HMGB1: variants seen among roughly 807,000 people sequenced by gnomAD.
HMGB1 encodes high mobility group protein B1.
For synonymous variants in HMGB1, 81 were observed against 84.0 expected (o/e 0.96, Z 0.19); for missense variants, 79 against 253.5 (o/e 0.31, Z 4.67).
intron 1 of HMGB1, among the ~76,000 whole-genome samples, chr13:30,597,592 C>T (rs1489570261): frequency 1.3e-5 from 2 of 152,172 alleles, no homozygotes; most frequent in Non-Finnish European, 2.9e-5. Context: ...ATTTCTCATA[C>T]TCAACTGTTT....
chr13:30,569,710 T>C lies in HMGB1; in HGVS notation c.-15+46961A>G, dbSNP rs148651296. 2.0e-5 allele frequency among the ~76,000 whole-genome samples: 3 copies of C among 152,294 alleles called. No homozygotes were observed. In the East Asian group the frequency reaches 5.8e-4, roughly 29 times the overall value. On this transcript the variant is annotated intron_variant, in intron 1 of 4. Coordinates refer to the HMGB1 transcript ENST00000405805. ...TAATCACATCAACTTCTTTCCTATA[T>C]CACCTTTCCCAGAGTGCGCTCTCAT...
upstream of HMGB1, among the ~76,000 whole-genome samples, chr13:30,468,096 G>A (rs1028145722): frequency 3.3e-5 from 5 of 152,082 alleles, no homozygotes; most frequent in African/African-American, 1.2e-4. Flanking sequence ...GGGACCACAG[G>A]GTTGTAAAGA....
At chr13:30,548,969 T>G (rs959807705) in intron 1 of HMGB1, among the ~76,000 whole-genome samples, 3 of 152,178 alleles carry the variant, frequency 2.0e-5, no homozygotes, top group Non-Finnish European at 1.5e-5. Context: ...GCTTTCTTTC[T>G]TGATGTACTG....
rs574054765 is a variant in HMGB1, at chr13:30,510,904, CA to C, written c.-14-47211del. ...TCTCCAAATTCTATTCCTTATTCTT[CA>C]AAATGTATTGTGTATATCAGGAACA... is the stretch of plus-strand genomic sequence containing the variant. On this transcript the variant is annotated intron_variant, in intron 1 of 4. Transcript: ENST00000405805. Among the ~76,000 whole-genome samples the C allele has an allele frequency of 3.8e-4, 58 of 152,288 alleles. No individual in the cohort carries two copies. In the East Asian group the frequency reaches 0.01, roughly 27 times the overall value.
chr13:30,473,386 CA>C (rs1886993904), intron 1 of HMGB1, among the ~76,000 whole-genome samples: 1 of 152,084 alleles, frequency 6.6e-6, no homozygotes, highest in Non-Finnish European at 1.5e-5. Flanking sequence ...TCTGGTTAGT[CA>C]AAGAATGGTA....
At chr13:30,492,931 C>T (rs1248622494) in intron 1 of HMGB1, among the ~76,000 whole-genome samples, 1 of 137,490 alleles carries the variant, frequency 7.3e-6, no homozygotes, top group Non-Finnish European at 1.5e-5. Flanking sequence ...GGGGAGGTTG[C>T]AGTGAGCCGA....
At chr13:30,595,310 A>G (rs1871558742) in intron 1 of HMGB1, among the ~76,000 whole-genome samples, 1 of 152,208 alleles carries the variant, frequency 6.6e-6, no homozygotes, top group Non-Finnish European at 1.5e-5. Context: ...GCACCTTTCC[A>G]AACAGAAGCA....
At chr13:30,600,716 G>A (rs1410393883) in intron 1 of HMGB1, among the ~76,000 whole-genome samples, 1 of 151,908 alleles carries the variant, frequency 6.6e-6, no homozygotes, top group Non-Finnish European at 1.5e-5. Flanking sequence ...AAGTGATTAG[G>A]GATACTCAAC....
chr13:30,578,368 C>CTTTTTTTTTTTTTTTT (rs60947686), intron 1 of HMGB1, among the ~76,000 whole-genome samples: 4 of 59,322 alleles, frequency 6.7e-5, no homozygotes, highest in African/African-American at 6.6e-5. Flanking sequence ...AGTTCTTGTT[C>CTTTTTTTTTTTTTTTT]TTTTTTTTTT....
chr13:30,468,688 C>A (rs146984140), upstream of HMGB1, among the ~76,000 whole-genome samples: 706 of 152,226 alleles, frequency 4.6e-3, 4 homozygotes, highest in Middle Eastern at 0.02. Flanking sequence ...CACTTGCAGG[C>A]AATTCATTTC....
intron 1 of HMGB1, among the ~76,000 whole-genome samples, chr13:30,563,379 C>G (rs1005596884): frequency 5.9e-5 from 9 of 152,136 alleles, no homozygotes; most frequent in Non-Finnish European, 1.3e-4. Context: ...GAGGCTGAGG[C>G]AGGAGGATCA....
intron 2 of HMGB1, 23 bp downstream of exon 2, chr13:30,463,508 T>TA: frequency 6.3e-7 from 1 of 1,597,304 alleles, no homozygotes; most frequent in Non-Finnish European, 8.5e-7. Flanking sequence ...ATTACCTTGT[T>TA]AGCATGTTTT....
chr13:30,481,040 T>C (rs994736870), intron 1 of HMGB1, among the ~76,000 whole-genome samples: 2 of 150,112 alleles, frequency 1.3e-5, no homozygotes, highest in African/African-American at 5.1e-5. Context: ...TTTCCTCTTG[T>C]GTGTGTTTTT....
intron 1 of HMGB1, among the ~76,000 whole-genome samples, chr13:30,476,632 G>C (rs1254498566): frequency 1.3e-5 from 2 of 152,154 alleles, no homozygotes; most frequent in African/African-American, 4.8e-5. Context: ...GGGAGGCAGA[G>C]GTGGGTGGAT....
chr13:30,600,967 C>T (rs1028388998), intron 1 of HMGB1, among the ~76,000 whole-genome samples: 3 of 152,180 alleles, frequency 2.0e-5, no homozygotes, highest in Non-Finnish European at 4.4e-5. Flanking sequence ...TGTATACATC[C>T]AGATGGCCTG....
chr13:30,601,023 T>A (rs1179591649), intron 1 of HMGB1, among the ~76,000 whole-genome samples: 1 of 152,192 alleles, frequency 6.6e-6, no homozygotes, highest in African/African-American at 2.4e-5. Flanking sequence ...CCTTAACTAA[T>A]GACATTCTAC....
At chr13:30,584,655 CTT>C (rs1204071621) in intron 1 of HMGB1, among the ~76,000 whole-genome samples, 2 of 152,098 alleles carry the variant, frequency 1.3e-5, no homozygotes, top group Non-Finnish European at 2.9e-5. Flanking sequence ...AAAATGAACA[CTT>C]TGAAATGTAA....
intron 1 of HMGB1, among the ~76,000 whole-genome samples, chr13:30,555,033 GTTT>G (rs1007919529): frequency 1.4e-5 from 1 of 72,440 alleles, no homozygotes; most frequent in African/African-American, 5.7e-5. Context: ...GTGTCGTTGT[GTTT>G]TTTTTTTTTT....
intron 1 of HMGB1, among the ~76,000 whole-genome samples, chr13:30,610,073 A>C (rs547283901): frequency 6.6e-6 from 1 of 152,222 alleles, no homozygotes; most frequent in Non-Finnish European, 1.5e-5. Context: ...AAATATACTT[A>C]CTTTTCCTTA....
Sources: gnomAD v4.1 joint callset for allele counts (sites outside exome capture counted in the v4.1 genomes callset) on GRCh38, gnomAD v4.1.1 for gene constraint, MANE v1.5 for transcripts, NCBI Gene and HGNC (gene_info 2026-07-23, HGNC 2026-07-21) for gene names.